The following DIAPH2 variants were observed in gnomAD, a reference collection of about 807,000 sequenced individuals.
The protein encoded by DIAPH2 is diaphanous related formin 2.
Under a neutral mutation model 92.7 loss-of-function variants are expected in DIAPH2, and 35 were observed. That is an observed-to-expected ratio of 0.38 (90% CI 0.29 to 0.50). The LOEUF (loss-of-function observed/expected upper bound fraction) is 0.50, where lower values mean the gene tolerates loss of function less well. Ranked by LOEUF, DIAPH2 falls within the 20% of genes least tolerant of loss-of-function variation. The pLI is 0.94. For synonymous variants in DIAPH2, 301 were observed against 280.4 expected, an observed-to-expected ratio of 1.07 and a Z score of -0.73; for missense variants, 701 against 819.5, an observed-to-expected ratio of 0.86 and a Z score of 1.77.
chrX:97,143,715 C>T (rs942434266), intron 22 of DIAPH2, among the ~76,000 whole-genome samples: 1 of 111,168 alleles, frequency 9.0e-6, no homozygotes, highest in Non-Finnish European at 1.9e-5. Flanking sequence ...TATTGCAACA[C>T]TGTTCACAAT....
intron 26 of DIAPH2, among the ~76,000 whole-genome samples, chrX:97,432,101 C>A (rs2070132626): frequency 9.0e-6 from 1 of 111,416 alleles, no homozygotes; most frequent in African/African-American, 3.3e-5. Context: ...AGAAGGCTAT[C>A]TTCCCCCAAG....
chrX:97,136,024 AG>A lies in DIAPH2; in HGVS notation c.2590-5640del, dbSNP rs1433294848. Among the ~76,000 whole-genome samples the A allele has an allele frequency of 5.4e-5, 6 of 112,124 alleles. 1 individual carries two copies. In the Admixed American group the frequency reaches 5.6e-4, roughly 11 times the overall value. The stretch of plus-strand genomic sequence containing the variant: ...ACCCATTTGTGCAGTCAACAAATAC[AG>A]ATAGAGTGCCTATTGTATGCTACCC... On this transcript the variant is annotated intron_variant, in intron 21 of 26. Coordinates refer to ENST00000324765, the MANE Select transcript of DIAPH2 (RefSeq NM_006729.5).
At chrX:97,162,523 C>T (rs1182551009) in intron 22 of DIAPH2, among the ~76,000 whole-genome samples, 1 of 111,271 alleles carries the variant, frequency 9.0e-6, no homozygotes, top group East Asian at 2.8e-4. Flanking sequence ...CTCTCTTCTT[C>T]TCACAGAATC....
intron 22 of DIAPH2, among the ~76,000 whole-genome samples, chrX:97,166,566 T>TA (rs767578362): frequency 5.4e-5 from 6 of 112,045 alleles, no homozygotes; most frequent in African/African-American, 1.9e-4. Context: ...AGAAAGACTA[T>TA]AAAAAAACTT....
intron 22 of DIAPH2, among the ~76,000 whole-genome samples, chrX:97,225,605 T>A (rs956471045): frequency 8.9e-6 from 1 of 111,866 alleles, no homozygotes; most frequent in Non-Finnish European, 1.9e-5. Context: ...CTCACTCATA[T>A]CCACTAGAAA....
chrX:96,764,038 A>G (rs1269950897), intron 4 of DIAPH2, among the ~76,000 whole-genome samples: 1 of 110,457 alleles, frequency 9.1e-6, no homozygotes, highest in East Asian at 2.8e-4. Context: ...GATAATTTTA[A>G]AAATCGAATA....
chrX:97,140,721 A>G (rs1201982912), intron 21 of DIAPH2, among the ~76,000 whole-genome samples: 1 of 111,897 alleles, frequency 8.9e-6, no homozygotes. Flanking sequence ...AACAATAAGG[A>G]TTAATTTACT....
At chrX:97,422,644 C>T (rs999173420) in intron 25 of DIAPH2, among the ~76,000 whole-genome samples, 14 of 111,265 alleles carry the variant, frequency 1.3e-4, no homozygotes, top group Non-Finnish European at 2.1e-4. Flanking sequence ...CATTATGCCT[C>T]GGTTAAGATT....
intron 23 of DIAPH2, among the ~76,000 whole-genome samples, chrX:97,306,715 C>A (rs1376336609): frequency 1.8e-5 from 2 of 111,487 alleles, no homozygotes; most frequent in African/African-American, 6.5e-5. Flanking sequence ...TTTGGAGGGC[C>A]ACAGTAACAA....
chrX:97,116,115 A>G (rs2067014961), intron 21 of DIAPH2, among the ~76,000 whole-genome samples: 2 of 112,157 alleles, frequency 1.8e-5, no homozygotes, highest in Non-Finnish European at 3.8e-5. Context: ...AGCAATGGAT[A>G]TGAATTTCTT....
intron 22 of DIAPH2, among the ~76,000 whole-genome samples, chrX:97,173,536 C>T (rs2067469053): frequency 8.9e-6 from 1 of 111,810 alleles, no homozygotes; most frequent in South Asian, 3.7e-4. Flanking sequence ...TATGTGGATG[C>T]ATACTTATAT....
intron 26 of DIAPH2, among the ~76,000 whole-genome samples, chrX:97,581,167 C>A (rs2071439417): frequency 1.1e-5 from 1 of 91,395 alleles, no homozygotes; most frequent in Non-Finnish European, 2.2e-5. Context: ...GTCTCTATTT[C>A]CTTCAGTTCT....
chrX:97,441,022 G>C (rs1048206558), intron 26 of DIAPH2, among the ~76,000 whole-genome samples: 8 of 111,576 alleles, frequency 7.2e-5, no homozygotes, highest in Non-Finnish European at 1.5e-4. Flanking sequence ...ACTAAAATAA[G>C]GATTGGAAAG....
At chrX:97,334,692 A>G (rs140654949) in intron 23 of DIAPH2, among the ~76,000 whole-genome samples, 3 of 108,132 alleles carry the variant, frequency 2.8e-5, no homozygotes, top group African/African-American at 1.0e-4. Flanking sequence ...CAAAACAAAA[A>G]AAAAAACAGA....
intron 22 of DIAPH2, among the ~76,000 whole-genome samples, chrX:97,190,170 C>A (rs1170073381): frequency 8.9e-6 from 1 of 112,853 alleles, no homozygotes; most frequent in Non-Finnish European, 1.9e-5. Flanking sequence ...TTTGTGAATT[C>A]ATGGCATTGG....
At chrX:96,756,293 C>G (rs1465602813) in intron 3 of DIAPH2, among the ~76,000 whole-genome samples, 1 of 111,473 alleles carries the variant, frequency 9.0e-6, no homozygotes, top group Non-Finnish European at 1.9e-5. Context: ...CCCTCCTCTT[C>G]TCCCCTGGCC....
chrX:96,787,686 C>CTTT lies in DIAPH2; in HGVS notation c.447+29448_447+29450dup, dbSNP rs56998803. Among the ~76,000 whole-genome samples, 170 of 54,707 alleles carry CTTT rather than the reference C, an allele frequency of 3.1e-3. 4 individuals carry two copies. Among genetic ancestry groups the CTTT allele is most frequent in the East Asian group, 5.3e-3 (8 of 1,506 alleles). The allele number at this position is 54,707 out of a possible 115,157, so 47.5% of individuals were successfully genotyped here. A position where few individuals can be genotyped will look rare whatever the true frequency, so the allele number is the denominator to read the frequency against. On this transcript the variant is annotated intron_variant, in intron 4 of 26. Transcript: ENST00000324765. ...AGGATGGTAGACATTACTCTTTTCT[C>CTTT]TTTTTTTTTTTTTTTTTTTTTTGAG...
intron 17 of DIAPH2, among the ~76,000 whole-genome samples, chrX:97,024,019 A>G (rs1398791771): frequency 4.5e-5 from 5 of 111,948 alleles, no homozygotes; most frequent in Non-Finnish European, 9.4e-5. Flanking sequence ...GTTATAGTCT[A>G]TCTAAAAATA....
At chrX:97,278,124 G>A (rs1359032833) in intron 23 of DIAPH2, among the ~76,000 whole-genome samples, 2 of 112,149 alleles carry the variant, frequency 1.8e-5, no homozygotes, top group Non-Finnish European at 3.8e-5. Flanking sequence ...GACTACAGGC[G>A]TGAGCCACCA....
Sources: allele counts gnomAD v4.1 joint callset (sites outside exome capture counted in the v4.1 genomes callset), GRCh38; gene constraint gnomAD v4.1.1; transcripts MANE v1.5; gene names NCBI Gene and HGNC (gene_info 2026-07-23, HGNC 2026-07-21).